The following ATP13A2 variants were observed in gnomAD, a reference collection of about 807,000 sequenced individuals.
The protein encoded by ATP13A2 is polyamine-transporting ATPase 13A2.
A neutral mutation model predicts 138.3 loss-of-function variants in ATP13A2; 83 were observed. The observed-to-expected ratio is 0.60, with a 90% CI of 0.50 to 0.72. ATP13A2 has a LOEUF of 0.72. ATP13A2 is among the 30% of genes least tolerant of loss of function. ATP13A2 has a pLI of 0.00. For synonymous variants in ATP13A2, 663 were observed against 699.0 expected (o/e 0.95, Z 0.81); for missense variants, 1,402 against 1,606.4 (o/e 0.87, Z 2.17).
chr1:17,000,838 AG>A, intron 8 of ATP13A2: 1 of 356,780 alleles, frequency 2.8e-6, no homozygotes, highest in East Asian at 5.7e-5. Flanking sequence ...GCTACTCAGG[AG>A]GCTGAGGTGG....
At position 17,011,302 on chromosome 1, in the gene ATP13A2, A is replaced by C. The variant is rs371984879; in HGVS notation, c.10+427T>G. On this transcript the variant is annotated intron_variant, in intron 1 of 28. Transcript: ENST00000326735. The surrounding 1 kb of genome is among the most constrained non-coding windows in gnomAD (Gnocchi z 7.3). ...CCGACTCCCCCAACGCCATTCATTC[A>C]TTCATTCAGCCCAGAGGGGTTGCCC... Among the ~76,000 whole-genome samples the C allele has an allele frequency of 1.4e-4, 21 of 152,156 alleles. 1 individual carries two copies. In the East Asian group the frequency reaches 4.1e-3, roughly 29 times the overall value.
Position 16,995,152 on chromosome 1 carries a change from A to ACCTTTTAC in ATP13A2, c.1542+816_1542+823dup, listed in dbSNP as rs1557689829. ...GGTACATCTGTGCTATGACACTCCCACCTTTTACCCTTGCTTCTCCTCGAC... is the reference window on the plus strand; with the variant it reads ...GGTACATCTGTGCTATGACACTCCCACCTTTTACCCTTTTACCCTTGCTTCTCCTCGAC... On this transcript the variant is annotated intron_variant, in intron 15 of 28. Transcript: ENST00000326735. This position sits in a 1 kb window ranked among gnomAD's most constrained non-coding sequence, Gnocchi z 4.1. 6.6e-6 allele frequency among the ~76,000 whole-genome samples: 1 copy of ACCTTTTAC among 151,910 alleles called. No individual in the cohort carries two copies. The highest frequency in any genetic ancestry group is 1.5e-5 in the Non-Finnish European group (1 of 67,980).
Position 16,991,789 on chromosome 1 carries a change from T to C in ATP13A2, c.2196A>G (p.Thr732=). 6.2e-7 allele frequency: 1 copy of C among 1,614,186 alleles called. No homozygotes were observed. The change falls in exon 20 of 29, where the codon ACA becomes ACG. Residue 732 remains threonine, a synonymous_variant. Transcript: ENST00000326735. ...LVMRNLLKPQ[T]TPVIQALRRT... ...TTCGCAGAGCCTGGATAACTGGCGT[T>C]GTCTGCGGCTTCAGTAGGTTCCTCA...
At position 17,002,236 on chromosome 1, in the gene ATP13A2, T is replaced by C. The variant is rs56327781; in HGVS notation, c.635+60A>G. On this transcript the variant is annotated intron_variant, in intron 7 of 28. Coordinates refer to ENST00000326735, the MANE Select transcript of ATP13A2 (RefSeq NM_022089.4). Reference sequence around the variant, plus strand: ...GGCAGGTGACTGGAAGGCAACCACATTGGGGGGCAACACAAGGAGCCCCAG... The same window carrying C: ...GGCAGGTGACTGGAAGGCAACCACACTGGGGGGCAACACAAGGAGCCCCAG... 54,122 of 1,593,992 alleles carry C rather than the reference T, an allele frequency of 0.034. 1,083 individuals carry two copies. Among genetic ancestry groups the C allele is most frequent in the Non-Finnish European group, 0.04 (47,194 of 1,169,178 alleles).
Position 17,011,899 on chromosome 1 carries a change from G to A in ATP13A2, c.-161C>T, listed in dbSNP as rs1570931513. On this transcript the variant is annotated 5_prime_UTR_variant, in exon 1 of 29. Coordinates refer to ENST00000326735, the MANE Select transcript of ATP13A2 (RefSeq NM_022089.4). This position sits in a 1 kb window ranked among gnomAD's most constrained non-coding sequence, Gnocchi z 7.3. ...AGGGCTGACGCGGGCGGGGCACCTG[G>A]GCCACCAGGCTCGGCGCGGCTCCGA... The A allele has an allele frequency of 1.7e-6, 1 of 576,450 alleles. No individual in the cohort carries two copies. The highest frequency in any genetic ancestry group is 2.0e-5 in the African/African-American group (1 of 49,278). The allele number at this position is 576,450 out of a possible 1,614,324, so 35.7% of individuals were successfully genotyped here.
rs1009468538 is a variant in ATP13A2, at chr1:17,002,173, C to T, written c.636-70G>A. ...GCTGGACCCTCCCGGGGTGAAGGAG[C>T]TCCCCACTTTCAGCTGGGGGAACTG... On this transcript the variant is annotated intron_variant, in intron 7 of 28. Transcript: ENST00000326735. The T allele has an allele frequency of 3.3e-5, 52 of 1,582,104 alleles. No homozygotes were observed. The East Asian group carries it at 1.2e-3, about 36-fold the overall frequency.
At position 17,004,703 on chromosome 1, in the gene ATP13A2, T is replaced by C; in HGVS notation, c.466A>G (p.Ser156Gly). ...AQLHKSEEAV[S>G]VGQKRVLRYY... ...TTTTCAGAACCCACCTGTCCGACAC[T>C]CACCGCCTCCTCGCTCTTGTGGAGC... The change falls in exon 5 of 29, where the codon AGT becomes GGT. Residue 156 changes from serine to glycine, a missense_variant. Coordinates refer to ENST00000326735, the MANE Select transcript of ATP13A2 (RefSeq NM_022089.4). The surrounding 1 kb of genome is among the most constrained non-coding windows in gnomAD (Gnocchi z 4.1). 6.2e-7 allele frequency: 1 copy of C among 1,614,006 alleles called. No individual in the cohort carries two copies. Among genetic ancestry groups the C allele is most frequent in the South Asian group, 1.1e-5 (1 of 91,072 alleles).
intron 6 of ATP13A2, among the ~76,000 whole-genome samples, chr1:17,003,725 G>A (rs557892630): frequency 4.0e-5 from 6 of 149,960 alleles, no homozygotes; most frequent in African/African-American, 1.5e-4. Flanking sequence ...GTGCAGTGGC[G>A]CGATGTTGGC....
chr1:17,002,058 G>A lies in ATP13A2; in HGVS notation c.681C>T (p.Ser227=). Residue 227 remains serine (S), a synonymous_variant, in exon 8 of 29, where the codon TCC becomes TCT. Coordinates refer to ENST00000326735, the MANE Select transcript of ATP13A2 (RefSeq NM_022089.4). The part of the protein sequence containing the change: ...GPNVISIPVK[S]YPQLLVDEAL... ...CCTCGTCCACCAGCAGCTGGGGGTA[G>A]GACTTGACCGGTATGCTGATCACGT... 1.2e-6 allele frequency: 2 copies of A among 1,613,338 alleles called. No homozygotes were observed. Among genetic ancestry groups the A allele is most frequent in the Non-Finnish European group, 1.7e-6 (2 of 1,179,636 alleles).
chr1:16,986,749 CCCCAGGGCTCCT>C lies in ATP13A2; in HGVS notation c.3235+44_3235+55del, dbSNP rs143483351. On this transcript the variant is annotated intron_variant, in intron 27 of 28. Transcript: ENST00000326735. The surrounding 1 kb of genome is among the most constrained non-coding windows in gnomAD (Gnocchi z 6.9). ...CTCTCTCCCATCTGCCTCCCCAGCA[CCCCAGGGCTCCT>C]CCCTCCCTCCGCCAGCATCTCCCGC... The C allele has an allele frequency of 0.25, 395,243 of 1,591,760 alleles. 51,930 individuals carry two copies. Among genetic ancestry groups the C allele is most frequent in the East Asian group, 0.54 (23,527 of 43,870 alleles).
chr1:17,003,585 C>CCACAGA (rs1553171560), intron 6 of ATP13A2, among the ~76,000 whole-genome samples: 1 of 132,988 alleles, frequency 7.5e-6, no homozygotes, highest in South Asian at 2.4e-4. Context: ...ACCAAAAAAA[C>CCACAGA]CACACACACA....
At position 17,004,937 on chromosome 1, in the gene ATP13A2, G is replaced by A. The variant is rs556230978; in HGVS notation, c.347+77C>T. 5.6e-6 allele frequency: 9 copies of A among 1,611,532 alleles called. No homozygotes were observed. Among genetic ancestry groups the A allele is most frequent in the Non-Finnish European group, 7.6e-6 (9 of 1,179,114 alleles). On this transcript the variant is annotated intron_variant, in intron 4 of 28. Transcript: ENST00000326735. The surrounding 1 kb of genome is among the most constrained non-coding windows in gnomAD (Gnocchi z 4.1). ...GGAGGCGCCAGAGTCAGCCTTTATG[G>A]GGGGGCCGAGGGTTGGGGAAGTTGG...
At chr1:17,003,079 T>C (rs1570879606) in intron 6 of ATP13A2, among the ~76,000 whole-genome samples, 1 of 151,646 alleles carries the variant, frequency 6.6e-6, no homozygotes, top group Non-Finnish European at 1.5e-5. Flanking sequence ...CGCCCAGAGG[T>C]GTGTGGTCTA....
At chr1:16,988,572 A>G in intron 23 of ATP13A2, 98 bp from the exon 24 acceptor site, 3 of 1,481,106 alleles carry the variant, frequency 2.0e-6, no homozygotes, top group Non-Finnish European at 2.8e-6. Context: ...CTAATGCCAC[A>G]TGGTGCCTGG....
Position 16,987,090 on chromosome 1 carries a change from G to T in ATP13A2, c.3039C>A (p.Thr1013=). The stretch of plus-strand genomic sequence containing the variant: ...GGAAGTAGCCCCCTAGCTGCACGCC[G>T]GTCACCAGGACCATCTGCAGCAGCA... The part of the protein sequence containing the change: ...SSLLLQMVLV[T]GVQLGGYFLT... The change falls in exon 26 of 29, where the codon ACC becomes ACA. Residue 1013 remains threonine, a synonymous_variant. Transcript: ENST00000326735. The T allele has an allele frequency of 2.5e-6, 4 of 1,613,420 alleles. No individual in the cohort carries two copies. The highest frequency in any genetic ancestry group is 3.4e-6 in the Non-Finnish European group (4 of 1,179,954).
At chr1:17,005,311 C>T in intron 3 of ATP13A2, 63 bp downstream of exon 3, 6 of 1,550,522 alleles carry the variant, frequency 3.9e-6, no homozygotes, top group Non-Finnish European at 5.2e-6. Context: ...ACCCAAGCAT[C>T]CTCCACCCCC....
At position 17,004,309 on chromosome 1, in the gene ATP13A2, G is replaced by A. The variant is rs752076705; in HGVS notation, c.557+23C>T. On this transcript the variant is annotated intron_variant, in intron 6 of 28. Transcript: ENST00000326735. The surrounding 1 kb of genome is among the most constrained non-coding windows in gnomAD (Gnocchi z 4.1). ...AGTGCCACTCTGGGAGGTGACATGAGCCACACAGGCCCTGACTCCTACCTG... is the reference window on the plus strand; with the variant it reads ...AGTGCCACTCTGGGAGGTGACATGAACCACACAGGCCCTGACTCCTACCTG... 1 of 1,610,798 alleles carries A rather than the reference G, an allele frequency of 6.2e-7. No individual in the cohort carries two copies.
At chr1:17,002,253 G>A (rs757601735) in intron 7 of ATP13A2, 43 bp downstream of exon 7, 3 of 1,601,538 alleles carry the variant, frequency 1.9e-6, no homozygotes, top group Admixed American at 3.5e-5. Flanking sequence ...GCAACACAAG[G>A]AGCCCCAGTT....
At chr1:16,996,688 TA>T (rs2100902702) in intron 12 of ATP13A2, 192 bp from the exon 13 acceptor site, 1 of 628,076 alleles carries the variant, frequency 1.6e-6, no homozygotes, top group South Asian at 1.9e-5. Context: ...AACAAGGAAC[TA>T]GTGGATAGCA....
Sources: gnomAD v4.1 joint callset for allele counts (sites outside exome capture counted in the v4.1 genomes callset) on GRCh38, gnomAD v4.1.1 for gene constraint, Gnocchi (gnomAD v3.1) non-coding constraint, MANE v1.5 for transcripts, NCBI Gene and HGNC (gene_info 2026-07-23, HGNC 2026-07-21) for gene names.